The following PAK5 variants were observed in gnomAD, a reference collection of about 807,000 sequenced individuals.
PAK5 encodes the protein p21 (RAC1) activated kinase 5.
A neutral mutation model predicts 65.9 loss-of-function variants in PAK5; 16 were observed. That is an observed-to-expected ratio of 0.24 (90% confidence interval 0.16 to 0.37). The LOEUF is 0.37. Ranked by LOEUF, PAK5 falls within the 10% of genes least tolerant of loss-of-function variation. The probability of loss-of-function intolerance (pLI) is 1.00; values close to 1 mark genes in which losing one functional copy is unlikely to be tolerated. For missense variants in PAK5, 785 were observed against 903.9 expected, an observed-to-expected ratio of 0.87 and a Z score of 1.69; for synonymous variants, 371 against 354.9, an observed-to-expected ratio of 1.05 and a Z score of -0.51.
intron 3 of PAK5, among the ~76,000 whole-genome samples, chr20:9,601,743 G>T (rs1436996503): frequency 2.6e-5 from 4 of 151,890 alleles, no homozygotes; most frequent in Admixed American, 1.3e-4. Flanking sequence ...TATATATATC[G>T]ACTGGTTCCT....
At chr20:9,768,248 G>A (rs1291960945) in intron 1 of PAK5, among the ~76,000 whole-genome samples, 2 of 151,722 alleles carry the variant, frequency 1.3e-5, no homozygotes, top group Admixed American at 6.6e-5. Flanking sequence ...CACGTGCAGG[G>A]TTTAGAAAAC....
intron 3 of PAK5, among the ~76,000 whole-genome samples, chr20:9,630,673 A>G (rs1175371511): frequency 6.6e-6 from 1 of 152,238 alleles, no homozygotes; most frequent in African/African-American, 2.4e-5. Context: ...CTCAGGATGC[A>G]AACATGTGCT....
Position 9,580,929 on chromosome 20 carries a change from G to A in PAK5, c.206C>T (p.Thr69Ile), listed in dbSNP as rs769990291. The A allele has an allele frequency of 1.3e-5, 21 of 1,570,242 alleles. No individual in the cohort carries two copies. Reference protein sequence around the residue: ...ITPIQLAPMKTIVRGNKPCKE... With the variant: ...ITPIQLAPMKIIVRGNKPCKE... ...GCAGGGTTTGTTTCCTCTAACGATT[G>A]TCTGGGAATAATAGAGGGAATATTG... Residue 69 changes from threonine to isoleucine, a missense_variant and splice_region_variant, in exon 4 of 10, where the codon ACA (threonine) becomes ATA (isoleucine). By Grantham distance (89) the Thr-to-Ile change is moderately conservative. Around this residue, in one of 4 missense-constraint regions of PAK5, gnomAD observed 71 missense variants for 110.2 expected, o/e 0.64. Coordinates refer to ENST00000353224, the MANE Select transcript of PAK5 (RefSeq NM_177990.4).
At chr20:9,723,209 G>A (rs1462992540) in intron 1 of PAK5, among the ~76,000 whole-genome samples, 1 of 152,194 alleles carries the variant, frequency 6.6e-6, no homozygotes, top group Non-Finnish European at 1.5e-5. Flanking sequence ...AGGCTATCAA[G>A]TTTGCACAGG....
intron 1 of PAK5, among the ~76,000 whole-genome samples, chr20:9,828,982 G>A (rs886259653): frequency 1.3e-5 from 2 of 152,160 alleles, no homozygotes; most frequent in Admixed American, 6.5e-5. Context: ...AGTAGTAGGG[G>A]TATGAACCAG....
rs1033147533 is a variant in PAK5, at chr20:9,726,403, G to T, written c.-161-14968C>A. On this transcript the variant is annotated intron_variant, in intron 1 of 9. Coordinates refer to ENST00000353224, the MANE Select transcript of PAK5 (RefSeq NM_177990.4). ...GACTTAGAAACATCGCAGTCAAAAA[G>T]TAATAGCCTCAGCAGCTCTGTCTGT... 1.1e-4 allele frequency among the ~76,000 whole-genome samples: 16 copies of T among 152,102 alleles called. 1 individual carries two copies. The highest frequency in any genetic ancestry group is 8.5e-4 in the Admixed American group (13 of 15,256).
At chr20:9,571,507 C>A (rs2045780660) in intron 4 of PAK5, among the ~76,000 whole-genome samples, 1 of 152,210 alleles carries the variant, frequency 6.6e-6, no homozygotes, top group African/African-American at 2.4e-5. Context: ...CGGGGTCAGT[C>A]CTTCACTCCC....
rs1256637612 is a variant in PAK5 at position 9,719,269 on chromosome 20, G to A, written c.-161-7834C>T. On this transcript the variant is annotated intron_variant, in intron 1 of 9. Transcript: ENST00000353224. ...CAGAAATTATTTATGCATTTGTCCA[G>A]TGAAGGAAATCCTCTCTAGAGAAAA... is the stretch of plus-strand genomic sequence containing the variant. 1.3e-5 allele frequency among the ~76,000 whole-genome samples: 2 copies of A among 152,212 alleles called. 1 individual carries two copies. The highest frequency in any genetic ancestry group is 6.3e-3 in the Middle Eastern group (2 of 316).
intron 1 of PAK5, among the ~76,000 whole-genome samples, chr20:9,805,109 A>G (rs1242438821): frequency 6.6e-6 from 1 of 152,194 alleles, no homozygotes; most frequent in Non-Finnish European, 1.5e-5. Flanking sequence ...ATGGCCAATA[A>G]GCACATAAAA....
chr20:9,809,181 C>G (rs897783531), intron 1 of PAK5, among the ~76,000 whole-genome samples: 3 of 152,044 alleles, frequency 2.0e-5, no homozygotes, highest in Non-Finnish European at 2.9e-5. Flanking sequence ...TTAGCATACA[C>G]TAGATATACT....
At chr20:9,561,552 CTTTAT>C (rs2045590709) in intron 6 of PAK5, among the ~76,000 whole-genome samples, 1 of 152,068 alleles carries the variant, frequency 6.6e-6, no homozygotes, top group Non-Finnish European at 1.5e-5. Flanking sequence ...ACTCACAAAG[CTTTAT>C]TTTGAGATAG....
At chr20:9,771,407 A>ATT (rs2048831412) in intron 1 of PAK5, among the ~76,000 whole-genome samples, 2 of 143,102 alleles carry the variant, frequency 1.4e-5, no homozygotes, top group South Asian at 2.1e-4. Flanking sequence ...TATAATTTAA[A>ATT]AAAATTTTTT....
At chr20:9,608,225 C>G (rs968011953) in intron 3 of PAK5, among the ~76,000 whole-genome samples, 4 of 152,148 alleles carry the variant, frequency 2.6e-5, no homozygotes, top group African/African-American at 9.7e-5. Flanking sequence ...TGGAGGGATA[C>G]AAGTATTCAT....
At chr20:9,605,314 T>G (rs1326502121) in intron 3 of PAK5, among the ~76,000 whole-genome samples, 1 of 152,196 alleles carries the variant, frequency 6.6e-6, no homozygotes, top group East Asian at 1.9e-4. Context: ...ACTGTTAGTG[T>G]GCATGAGATG....
chr20:9,625,157 A>T (rs1308210042), intron 3 of PAK5, among the ~76,000 whole-genome samples: 1 of 152,012 alleles, frequency 6.6e-6, no homozygotes, highest in Admixed American at 6.6e-5. Flanking sequence ...AACCACCTCC[A>T]TCACCTCCAA....
In PAK5 at chr20:9,779,357, T is replaced by C. The variant is rs182860117; in HGVS notation, c.-162+59405A>G. On this transcript the variant is annotated intron_variant, in intron 1 of 9. Transcript: ENST00000353224. ...ATATAATGGACATTTGTCTAATATA[T>C]ATATATATCTAAAATATAATTAAAT... Among the ~76,000 whole-genome samples the C allele has an allele frequency of 3.3e-3, 500 of 150,398 alleles. 2 individuals carry two copies. Among genetic ancestry groups the C allele is most frequent in the Non-Finnish European group, 5.4e-3 (368 of 67,616 alleles).
At chr20:9,663,785 C>T (rs1014796776) in intron 2 of PAK5, among the ~76,000 whole-genome samples, 12 of 152,060 alleles carry the variant, frequency 7.9e-5, no homozygotes, top group South Asian at 4.1e-4. Context: ...GGAGAAGATG[C>T]GAACTTTTTG....
At chr20:9,681,835 T>G (rs1021344301) in intron 2 of PAK5, among the ~76,000 whole-genome samples, 2 of 152,220 alleles carry the variant, frequency 1.3e-5, no homozygotes, top group African/African-American at 2.4e-5. Flanking sequence ...AAATTTCTCC[T>G]TTTACTTCAG....
intron 3 of PAK5, among the ~76,000 whole-genome samples, chr20:9,583,088 C>G (rs1312326016): frequency 6.6e-6 from 1 of 152,148 alleles, no homozygotes; most frequent in Admixed American, 6.5e-5. Flanking sequence ...TCCAGGAATA[C>G]TCATTGCTAC....
Sources: gnomAD v4.1 joint callset for allele counts (sites outside exome capture counted in the v4.1 genomes callset) on GRCh38, gnomAD v4.1.1 for gene constraint, gnomAD v4.1.1 regional missense constraint, MANE v1.5 for transcripts, NCBI Gene and HGNC (gene_info 2026-07-23, HGNC 2026-07-21) for gene names.